Variants in KCNMB2 observed in about 807,000 individuals in gnomAD.
The protein encoded by KCNMB2 is potassium calcium-activated channel subfamily M regulatory beta subunit 2.
In KCNMB2, 9 loss-of-function variants were observed where a neutral mutation model predicts 24.5. The ratio of observed to expected loss-of-function variants is 0.37; its 90% confidence interval spans 0.22 to 0.64. The LOEUF (loss-of-function observed/expected upper bound fraction) is 0.64, where lower values mean the gene tolerates loss of function less well. KCNMB2 is among the 30% of genes least tolerant of loss of function. The pLI is 0.63. For missense variants in KCNMB2, 226 were observed against 284.3 expected (o/e 0.79, Z 1.47); for synonymous variants, 109 against 104.4 (o/e 1.04, Z -0.27).
At chr3:178,657,654 C>T (rs1720391832) in intron 1 of KCNMB2, among the ~76,000 whole-genome samples, 1 of 152,180 alleles carries the variant, frequency 6.6e-6, no homozygotes. Context: ...TTTTCTATTG[C>T]TATAACAGAA....
intron 1 of KCNMB2, among the ~76,000 whole-genome samples, chr3:178,695,818 C>A (rs1721854208): frequency 6.6e-6 from 1 of 152,202 alleles, no homozygotes; most frequent in Non-Finnish European, 1.5e-5. Context: ...GAGTTCCAAA[C>A]TTTCCCACAT....
chr3:178,544,389 A>T (rs1715710067), intron 1 of KCNMB2, among the ~76,000 whole-genome samples: 1 of 152,118 alleles, frequency 6.6e-6, no homozygotes, highest in African/African-American at 2.4e-5. Flanking sequence ...TCTAAAGCAC[A>T]TGGTGGGACC....
chr3:178,574,309 C>T (rs558287065), intron 1 of KCNMB2, among the ~76,000 whole-genome samples: 9 of 152,314 alleles, frequency 5.9e-5, no homozygotes, highest in East Asian at 1.9e-4. Context: ...TGACTCTTCA[C>T]GCTCTGACTC....
intron 4 of KCNMB2, among the ~76,000 whole-genome samples, chr3:178,830,258 T>C (rs926260004): frequency 6.6e-6 from 1 of 152,214 alleles, no homozygotes; most frequent in Non-Finnish European, 1.5e-5. Context: ...CATAGCGTTA[T>C]GTTTGTTAGA....
chr3:178,825,835 G>T (rs1317348998), intron 3 of KCNMB2, 77 bp downstream of exon 3: 15 of 1,100,678 alleles, frequency 1.4e-5, no homozygotes, highest in Non-Finnish European at 1.6e-5. Flanking sequence ...CAACCCTAAG[G>T]TCATCTTCCT....
intron 1 of KCNMB2, among the ~76,000 whole-genome samples, chr3:178,786,432 G>A (rs1218527988): frequency 6.6e-6 from 1 of 152,084 alleles, no homozygotes; most frequent in Non-Finnish European, 1.5e-5. Context: ...AAATGGAATA[G>A]GGTGAGGAAG....
intron 1 of KCNMB2, among the ~76,000 whole-genome samples, chr3:178,732,763 T>C (rs1025807138): frequency 3.3e-5 from 5 of 152,228 alleles, no homozygotes; most frequent in South Asian, 2.1e-4. Flanking sequence ...TATTGATCTA[T>C]TGATGAAAAT....
chr3:178,668,229 A>C (rs1249683320), intron 1 of KCNMB2, among the ~76,000 whole-genome samples: 3 of 152,104 alleles, frequency 2.0e-5, no homozygotes, highest in South Asian at 2.1e-4. Flanking sequence ...TGTCAAGAGG[A>C]GGTAAGGAGA....
intron 1 of KCNMB2, among the ~76,000 whole-genome samples, chr3:178,579,742 C>T (rs557151800): frequency 1.3e-5 from 2 of 152,132 alleles, no homozygotes; most frequent in African/African-American, 4.8e-5. Flanking sequence ...ACTATAAACA[C>T]CTCTATGCAA....
intron 1 of KCNMB2, among the ~76,000 whole-genome samples, chr3:178,789,835 G>A (rs1713252191): frequency 6.6e-6 from 1 of 152,044 alleles, no homozygotes; most frequent in Non-Finnish European, 1.5e-5. Context: ...TAGGCCACAA[G>A]GACTGCAATT....
At chr3:178,583,223 T>C (rs538457217) in intron 1 of KCNMB2, among the ~76,000 whole-genome samples, 1 of 152,308 alleles carries the variant, frequency 6.6e-6, no homozygotes, top group East Asian at 1.9e-4. Context: ...AAAAAGTTAC[T>C]ATAAAAATTG....
intron 1 of KCNMB2, among the ~76,000 whole-genome samples, chr3:178,553,530 G>A (rs1396947354): frequency 2.7e-5 from 4 of 150,296 alleles, no homozygotes; most frequent in Non-Finnish European, 5.9e-5. Flanking sequence ...CAGCTTCAGA[G>A]AGATTCCTTT....
At chr3:178,804,470 T>G (rs368454601) in intron 1 of KCNMB2, among the ~76,000 whole-genome samples, 1 of 152,170 alleles carries the variant, frequency 6.6e-6, no homozygotes, top group African/African-American at 2.4e-5. Flanking sequence ...AAAACTAGGG[T>G]GGAAACACTC....
At chr3:178,804,754 G>A (rs1713899383) in intron 1 of KCNMB2, among the ~76,000 whole-genome samples, 1 of 152,214 alleles carries the variant, frequency 6.6e-6, no homozygotes, top group Non-Finnish European at 1.5e-5. Flanking sequence ...GAACAGGACA[G>A]CACTCAGGAA....
intron 1 of KCNMB2, among the ~76,000 whole-genome samples, chr3:178,717,742 C>T (rs1722664326): frequency 6.6e-6 from 1 of 152,114 alleles, no homozygotes; most frequent in Admixed American, 6.5e-5. Context: ...GTATGCCAGG[C>T]ACTCTACTAG....
Position 178,758,647 on chromosome 3 carries a change from GATATATATATATCTCTCTCCAAGAGGAT to G in KCNMB2, c.-67-48683_-67-48656del, listed in dbSNP as rs1388002598. On this transcript the variant is annotated intron_variant, in intron 1 of 4. Coordinates refer to ENST00000452583, the MANE Select transcript of KCNMB2 (RefSeq NM_181361.3). ...ATATATATATCTCTCTCTCCAAGAG[GATATATATATATCTCTCTCCAAGAGGAT>G]ATATATATATATATCTCTCTCTCTA... 4.5e-5 allele frequency among the ~76,000 whole-genome samples: 2 copies of G among 44,380 alleles called. 1 individual carries two copies. Among genetic ancestry groups the G allele is most frequent in the African/African-American group, 1.7e-4 (2 of 12,000 alleles). 29.1% of individuals were successfully genotyped at this position (44,380 alleles called of 152,430 possible). A position where few individuals can be genotyped will look rare whatever the true frequency, so the allele number is the denominator to read the frequency against.
At chr3:178,825,813 C>T in intron 3 of KCNMB2, 55 bp downstream of exon 3, 1 of 1,455,744 alleles carries the variant, frequency 6.9e-7, no homozygotes, top group Non-Finnish European at 9.5e-7. Context: ...CCATCCTCCC[C>T]CATCACTTAG....
intron 1 of KCNMB2, among the ~76,000 whole-genome samples, chr3:178,718,188 A>G (rs1722681275): frequency 6.6e-6 from 1 of 152,348 alleles, no homozygotes; most frequent in South Asian, 2.1e-4. Context: ...GTAGATCAGA[A>G]TAACACTTAA....
chr3:178,726,616 C>A (rs9290665), intron 1 of KCNMB2, among the ~76,000 whole-genome samples: 72,451 of 151,418 alleles, frequency 0.48, 17,678 homozygotes, highest in African/African-American at 0.58. Flanking sequence ...ATATACACTG[C>A]ATCTAAAGAA....
Sources: allele counts gnomAD v4.1 joint callset (sites outside exome capture counted in the v4.1 genomes callset), GRCh38; gene constraint gnomAD v4.1.1; transcripts MANE v1.5; gene names NCBI Gene and HGNC (gene_info 2026-07-23, HGNC 2026-07-21).